The following ZNF438 variants were observed in gnomAD, a reference collection of about 807,000 sequenced individuals.
ZNF438 encodes the protein zinc finger protein 438.
A neutral mutation model predicts 38.0 loss-of-function variants in ZNF438; 25 were observed. The observed-to-expected ratio is 0.66, with a 90% CI of 0.48 to 0.92. The LOEUF (loss-of-function observed/expected upper bound fraction) is 0.92, where lower values mean the gene tolerates loss of function less well. ZNF438 is among the 40% of genes least tolerant of loss of function. ZNF438 has a pLI of 0.00. For missense variants in ZNF438, 1,007 were observed against 999.6 expected, an observed-to-expected ratio of 1.01 and a Z score of -0.10; for synonymous variants, 372 against 364.1, an observed-to-expected ratio of 1.02 and a Z score of -0.25.
chr10:30,949,149 T>C (rs2047832740), intron 1 of ZNF438, among the ~76,000 whole-genome samples: 1 of 152,054 alleles, frequency 6.6e-6, no homozygotes, highest in Non-Finnish European at 1.5e-5. Flanking sequence ...CCAGCCAAAC[T>C]AAGCTTCATA....
chr10:30,930,575 G>A lies in ZNF438; in HGVS notation c.-115+11000C>T, dbSNP rs567866458. Among the ~76,000 whole-genome samples the A allele has an allele frequency of 2.0e-5, 3 of 151,968 alleles. No homozygotes were observed. The South Asian group carries it at 6.2e-4, about 32-fold the overall frequency. On this transcript the variant is annotated intron_variant, in intron 2 of 5. Transcript: ENST00000413025. ...GAGGTGCCGAGAGCAAGCGAGGGCT[G>A]CTGGCATGTTGTCACCTCTCAAGAC... is the stretch of plus-strand genomic sequence containing the variant.
At chr10:30,903,989 C>T (rs1183205929) in intron 3 of ZNF438, among the ~76,000 whole-genome samples, 1 of 133,746 alleles carries the variant, frequency 7.5e-6, no homozygotes, top group Non-Finnish European at 1.6e-5. Context: ...AACAGCACAA[C>T]AAATTGAAAA....
chr10:30,923,551 C>T (rs779360018), intron 2 of ZNF438, among the ~76,000 whole-genome samples: 4 of 152,168 alleles, frequency 2.6e-5, no homozygotes, highest in Non-Finnish European at 4.4e-5. Flanking sequence ...GCCTCAGCAC[C>T]ATATACTGAA....
chr10:30,904,455 T>C (rs1346622213), intron 3 of ZNF438, among the ~76,000 whole-genome samples: 1 of 152,192 alleles, frequency 6.6e-6, no homozygotes, highest in African/African-American at 2.4e-5. Flanking sequence ...CTGGTGCAAG[T>C]TGCTCTATCA....
At chr10:30,902,970 C>T (rs544831774) in intron 3 of ZNF438, among the ~76,000 whole-genome samples, 26 of 137,202 alleles carry the variant, frequency 1.9e-4, no homozygotes, top group East Asian at 1.6e-3. Flanking sequence ...AGCTAAGGAC[C>T]GGGGAGAAAT....
chr10:31,014,584 C>A (rs1182358000), intron 1 of ZNF438, among the ~76,000 whole-genome samples: 2 of 152,114 alleles, frequency 1.3e-5, no homozygotes, highest in African/African-American at 4.8e-5. Flanking sequence ...GGATCCAATT[C>A]AGTCCATAGC....
At chr10:30,996,678 A>T (rs928016946) in intron 1 of ZNF438, among the ~76,000 whole-genome samples, 14 of 152,006 alleles carry the variant, frequency 9.2e-5, no homozygotes, top group South Asian at 2.1e-4. Context: ...AATACAGAAG[A>T]TTTGAACAAC....
At chr10:30,998,031 T>C (rs1385916437) in intron 1 of ZNF438, among the ~76,000 whole-genome samples, 2 of 152,184 alleles carry the variant, frequency 1.3e-5, no homozygotes, top group East Asian at 1.9e-4. Context: ...ATACTTTCAG[T>C]TGGGTCTCTG....
Position 30,961,823 on chromosome 10 carries a change from G to A in ZNF438, c.-191-20172C>T, listed in dbSNP as rs1171192153. ...GAATCGCTTGAACCCGGGAGGTGGA[G>A]GTTGCAGTGGGCCGAGATTGCACCA... is the stretch of plus-strand genomic sequence containing the variant. On this transcript the variant is annotated intron_variant, in intron 1 of 5. Coordinates refer to ENST00000413025, the Ensembl canonical transcript of ZNF438. 1.4e-5 allele frequency among the ~76,000 whole-genome samples: 2 copies of A among 144,686 alleles called. 1 individual carries two copies. Among genetic ancestry groups the A allele is most frequent in the Non-Finnish European group, 3.1e-5 (2 of 63,646 alleles). 94.9% of individuals were successfully genotyped at this position (144,686 alleles called of 152,430 possible).
intron 2 of ZNF438, among the ~76,000 whole-genome samples, chr10:30,916,176 C>G (rs2043609092): frequency 6.6e-6 from 1 of 151,976 alleles, no homozygotes; most frequent in South Asian, 2.1e-4. Context: ...CAAATAAGGC[C>G]ACTAATGTCA....
At chr10:30,854,524 A>C (rs1056707105) in intron 4 of ZNF438, among the ~76,000 whole-genome samples, 2 of 152,194 alleles carry the variant, frequency 1.3e-5, no homozygotes, top group African/African-American at 4.8e-5. Context: ...GAAATTTTGT[A>C]AACAGTGGGG....
chr10:31,032,333 C>A (rs2057341325), upstream of ZNF438, among the ~76,000 whole-genome samples: 2 of 152,214 alleles, frequency 1.3e-5, no homozygotes, highest in Admixed American at 6.5e-5. Context: ...GCTGGCGGGT[C>A]CTCAGCCCTG....
chr10:30,850,580 A>C (rs1019699132), intron 4 of ZNF438, among the ~76,000 whole-genome samples: 4 of 152,172 alleles, frequency 2.6e-5, no homozygotes, highest in Non-Finnish European at 4.4e-5. Flanking sequence ...ATGGTTCCTT[A>C]GCTCCTATTA....
intron 2 of ZNF438, among the ~76,000 whole-genome samples, chr10:30,916,356 C>T (rs989207523): frequency 2.0e-5 from 3 of 151,950 alleles, no homozygotes; most frequent in Non-Finnish European, 4.4e-5. Context: ...TGAATACATA[C>T]CAAATAGTAT....
chr10:30,860,140 T>G (rs1228998955), intron 4 of ZNF438, among the ~76,000 whole-genome samples: 1 of 152,216 alleles, frequency 6.6e-6, no homozygotes, highest in Non-Finnish European at 1.5e-5. Context: ...AGAAATGATC[T>G]GACCTACTTG....
At chr10:30,881,459 AAC>A (rs2039246410) in intron 3 of ZNF438, among the ~76,000 whole-genome samples, 1 of 151,872 alleles carries the variant, frequency 6.6e-6, no homozygotes, top group Admixed American at 6.5e-5. Context: ...AAAACTAAAA[AAC>A]ACTCATAGAG....
intron 3 of ZNF438, among the ~76,000 whole-genome samples, chr10:30,890,870 G>A (rs2040595879): frequency 6.6e-6 from 1 of 152,152 alleles, no homozygotes; most frequent in Non-Finnish European, 1.5e-5. Flanking sequence ...ATTATCAACT[G>A]ATGTCCCACA....
chr10:30,874,535 C>G (rs1054240612), intron 4 of ZNF438, among the ~76,000 whole-genome samples: 1 of 148,084 alleles, frequency 6.8e-6, no homozygotes, highest in African/African-American at 2.7e-5. Context: ...CTAAGACATA[C>G]AGAAAGCATT....
At chr10:30,877,905 A>C (rs1487950587) in intron 3 of ZNF438, among the ~76,000 whole-genome samples, 1 of 152,246 alleles carries the variant, frequency 6.6e-6, no homozygotes, top group East Asian at 1.9e-4. Flanking sequence ...ATATTTTTAA[A>C]GTAAGAAAAT....
Sources: allele counts gnomAD v4.1 joint callset (sites outside exome capture counted in the v4.1 genomes callset), GRCh38; gene constraint gnomAD v4.1.1; transcripts MANE v1.5; gene names NCBI Gene and HGNC (gene_info 2026-07-23, HGNC 2026-07-21).